The following ADAMTS2 variants were observed in gnomAD, a reference collection of about 807,000 sequenced individuals.
The protein encoded by ADAMTS2 is ADAM metallopeptidase with thrombospondin type 1 motif 2, also known as A disintegrin and metalloproteinase with thrombospondin motifs 2.
Under a neutral mutation model 123.0 loss-of-function variants are expected in ADAMTS2, and 50 were observed. That is an observed-to-expected ratio of 0.41 (90% CI 0.32 to 0.51). The LOEUF is 0.51. Ranked by LOEUF, ADAMTS2 falls within the 20% of genes least tolerant of loss-of-function variation. The pLI is 0.35. For missense variants in ADAMTS2, 1,494 were observed against 1,705.2 expected (o/e 0.88, Z 2.18); for synonymous variants, 678 against 695.4 (o/e 0.98, Z 0.39).
intron 3 of ADAMTS2, among the ~76,000 whole-genome samples, chr5:179,237,525 G>A (rs972893801): frequency 2.0e-5 from 3 of 152,182 alleles, no homozygotes; most frequent in Admixed American, 2.0e-4. Flanking sequence ...GACTAAGACA[G>A]TGTCACTTCA....
At position 179,125,038 on chromosome 5, in the gene ADAMTS2, C is replaced by T. The variant is rs144138766; in HGVS notation, c.2893G>A (p.Glu965Lys). The T allele has an allele frequency of 3.4e-4, 551 of 1,608,298 alleles. 1 individual carries two copies. The Admixed American group carries it at 4.1e-3, about 12-fold the overall frequency. The change falls in exon 19 of 22, where the codon GAG becomes AAG. Residue 965 changes from glutamate to lysine, a missense_variant. Physicochemically the swap from Glu to Lys is moderately conservative, Grantham distance 56. This residue lies in a region of ADAMTS2 where 953 missense variants were observed against 1,124.7 expected (regional missense o/e 0.85). Coordinates refer to ENST00000251582, the MANE Select transcript of ADAMTS2 (RefSeq NM_014244.5). ...TCGCGGCTGCAGGCCCGGCGGCTCT[C>T]GGGCCGGGCGTCATTGCAGTGCTTG... ...HAKHCNDARP[E>K]SRRACSRELC...
chr5:179,199,608 G>A lies in ADAMTS2; in HGVS notation c.891+7905C>T, dbSNP rs6869589. Reference sequence around the variant, plus strand: ...GGTGGCAGGAAGCTCTCAGACCCCAGTGGGTGTGCCCTTCCTGCTGGGGGT... The same window carrying A: ...GGTGGCAGGAAGCTCTCAGACCCCAATGGGTGTGCCCTTCCTGCTGGGGGT... On this transcript the variant is annotated intron_variant, in intron 4 of 21. Transcript: ENST00000251582. 2.6e-5 allele frequency among the ~76,000 whole-genome samples: 4 copies of A among 152,194 alleles called. 1 individual carries two copies. In the South Asian group the frequency reaches 8.3e-4, roughly 32 times the overall value.
intron 4 of ADAMTS2, among the ~76,000 whole-genome samples, chr5:179,190,307 G>A (rs1764276687): frequency 6.6e-6 from 1 of 152,184 alleles, no homozygotes; most frequent in Admixed American, 6.5e-5. Flanking sequence ...TAGAGTGGGA[G>A]AGATTAAGCT....
At chr5:179,344,277 C>T in intron 1 of ADAMTS2, 116 bp from the exon 2 acceptor site, 1 of 1,365,678 alleles carries the variant, frequency 7.3e-7, no homozygotes, top group Non-Finnish European at 9.9e-7. Context: ...AAGGGGCATT[C>T]CGCCAGGCGA....
intron 2 of ADAMTS2, among the ~76,000 whole-genome samples, chr5:179,296,976 G>A (rs928486336): frequency 1.3e-5 from 2 of 152,100 alleles, no homozygotes; most frequent in African/African-American, 2.4e-5. Context: ...CAGAAAGCAG[G>A]GTGTCTGTAG....
At chr5:179,302,725 A>AG (rs375646471) in intron 2 of ADAMTS2, among the ~76,000 whole-genome samples, 1 of 149,626 alleles carries the variant, frequency 6.7e-6, no homozygotes, top group Non-Finnish European at 1.5e-5. Context: ...AGTATTGTTG[A>AG]GGGGGGCGGG....
At position 179,202,776 on chromosome 5, in the gene ADAMTS2, C is replaced by T. The variant is rs183355785; in HGVS notation, c.891+4737G>A. 9.2e-5 allele frequency among the ~76,000 whole-genome samples: 14 copies of T among 152,306 alleles called. No homozygotes were observed. The East Asian group carries it at 2.5e-3, about 27-fold the overall frequency. On this transcript the variant is annotated intron_variant, in intron 4 of 21. Transcript: ENST00000251582. This position sits in a 1 kb window ranked among gnomAD's most constrained non-coding sequence, Gnocchi z 4.0. ...GTCGGGAGGGCCCGAGCCTATGTTG[C>T]AGCTGTACCTACTGGGACACATGGC...
At chr5:179,123,729 A>G (rs1371505956) in intron 19 of ADAMTS2, among the ~76,000 whole-genome samples, 1 of 152,224 alleles carries the variant, frequency 6.6e-6, no homozygotes, top group African/African-American at 2.4e-5. Flanking sequence ...GTGCCCGGCC[A>G]ACGCCTGTTT....
intron 3 of ADAMTS2, among the ~76,000 whole-genome samples, chr5:179,236,432 A>G (rs1463249817): frequency 6.6e-6 from 1 of 152,196 alleles, no homozygotes; most frequent in East Asian, 1.9e-4. Context: ...AGCAATATCA[A>G]TGAAAGCCAG....
At chr5:179,259,962 C>T (rs531237188) in intron 3 of ADAMTS2, among the ~76,000 whole-genome samples, 123 of 152,334 alleles carry the variant, frequency 8.1e-4, no homozygotes, top group African/African-American at 2.7e-3. Context: ...AAAATGGAAA[C>T]GCACAGTCCC....
intron 2 of ADAMTS2, among the ~76,000 whole-genome samples, chr5:179,337,524 ACACGTC>A (rs1418644302): frequency 8.5e-5 from 13 of 152,202 alleles, no homozygotes; most frequent in African/African-American, 3.1e-4. Flanking sequence ...CAGGACACGC[ACACGTC>A]CACATGCAGC....
At chr5:179,211,690 A>C (rs1764852849) in intron 3 of ADAMTS2, among the ~76,000 whole-genome samples, 1 of 152,240 alleles carries the variant, frequency 6.6e-6, no homozygotes, top group Admixed American at 6.5e-5. Context: ...AGTTCTGTCC[A>C]GGGAATTCCA....
rs548883783 is a variant in ADAMTS2 at position 179,274,506 on chromosome 5, CG to C, written c.535-1443del. Among the ~76,000 whole-genome samples, 123 of 152,334 alleles carry C rather than the reference CG, an allele frequency of 8.1e-4. 1 individual carries two copies. Among genetic ancestry groups the C allele is most frequent in the Admixed American group, 2.8e-3 (43 of 15,310 alleles). On this transcript the variant is annotated intron_variant, in intron 2 of 21. Coordinates refer to ENST00000251582, the MANE Select transcript of ADAMTS2 (RefSeq NM_014244.5). The stretch of plus-strand genomic sequence containing the variant: ...AGTGTGCCCTCTGGTGGGCAGCCCC[CG>C]GCACCTGCCATCTGGATGTGCGGAA...
At chr5:179,139,189 C>G (rs564775060) in intron 11 of ADAMTS2, among the ~76,000 whole-genome samples, 15 of 152,200 alleles carry the variant, frequency 9.9e-5, no homozygotes, top group African/African-American at 3.4e-4. Flanking sequence ...GCCAGCCCCC[C>G]CGGGACACTC....
At chr5:179,278,706 C>T (rs13165403) in intron 2 of ADAMTS2, among the ~76,000 whole-genome samples, 45,612 of 151,740 alleles carry the variant, frequency 0.3, 8,441 homozygotes, top group Non-Finnish European at 0.39. Flanking sequence ...CCCTGGGGGA[C>T]AGAGAGAGGA....
At chr5:179,216,293 G>T (rs1173009608) in intron 3 of ADAMTS2, among the ~76,000 whole-genome samples, 2 of 152,246 alleles carry the variant, frequency 1.3e-5, no homozygotes, top group Non-Finnish European at 2.9e-5. Flanking sequence ...GCCATCTGTA[G>T]CCCGGGGACA....
At chr5:179,274,059 C>A (rs1223459042) in intron 2 of ADAMTS2, among the ~76,000 whole-genome samples, 1 of 151,426 alleles carries the variant, frequency 6.6e-6, no homozygotes, top group Admixed American at 6.6e-5. Context: ...CCTTCGAGGC[C>A]TGATTCAGAC....
Position 179,241,628 on chromosome 5 carries a change from C to T in ADAMTS2, c.688+31283G>A, listed in dbSNP as rs561057159. Among the ~76,000 whole-genome samples the T allele has an allele frequency of 7.9e-5, 12 of 152,296 alleles. No homozygotes were observed. In the South Asian group the frequency reaches 2.5e-3, roughly 32 times the overall value. ...AGCACAGCCTTCTTGAAGAAGTTTC[C>T]TTTGGGCAGAATTCAAGTTTCCTCT... On this transcript the variant is annotated intron_variant, in intron 3 of 21. Transcript: ENST00000251582.
chr5:179,247,429 G>A (rs994784382), intron 3 of ADAMTS2, among the ~76,000 whole-genome samples: 2 of 151,912 alleles, frequency 1.3e-5, no homozygotes, highest in Non-Finnish European at 2.9e-5. Context: ...TCAAGAAAGA[G>A]AATAGAGAAA....
Sources: gnomAD v4.1 joint callset for allele counts (sites outside exome capture counted in the v4.1 genomes callset) on GRCh38, gnomAD v4.1.1 for gene constraint, gnomAD v4.1.1 regional missense constraint, Gnocchi (gnomAD v3.1) non-coding constraint, MANE v1.5 for transcripts, NCBI Gene and HGNC (gene_info 2026-07-23, HGNC 2026-07-21) for gene names.